CAMK2D: variants seen among roughly 807,000 people sequenced by gnomAD.
CAMK2D encodes the protein calcium/calmodulin dependent protein kinase II delta.
In CAMK2D, 37 loss-of-function variants were observed where a neutral mutation model predicts 84.0. That is an observed-to-expected ratio of 0.44 (90% CI 0.34 to 0.58). CAMK2D has a LOEUF of 0.58. CAMK2D is among the 20% of genes least tolerant of loss of function. The pLI is 0.02. For synonymous variants in CAMK2D, 202 were observed against 212.5 expected, an observed-to-expected ratio of 0.95 and a Z score of 0.43; for missense variants, 448 against 652.5, an observed-to-expected ratio of 0.69 and a Z score of 3.41.
At chr4:113,499,394 T>G (rs534690794) in intron 16 of CAMK2D, among the ~76,000 whole-genome samples, 1 of 152,292 alleles carries the variant, frequency 6.6e-6, no homozygotes, top group South Asian at 2.1e-4. Flanking sequence ...AGCTGTTCTA[T>G]TCAAACAAAA....
intron 8 of CAMK2D, among the ~76,000 whole-genome samples, chr4:113,518,703 G>A (rs2098318336): frequency 1.3e-5 from 2 of 152,226 alleles, no homozygotes; most frequent in South Asian, 2.1e-4. Context: ...TTTGCCAGGT[G>A]TACCCTGAGA....
chr4:113,511,508 AAATGTGAAGATTTTTT>A (rs1322801907), intron 12 of CAMK2D, among the ~76,000 whole-genome samples: 13 of 152,200 alleles, frequency 8.5e-5, no homozygotes, highest in African/African-American at 3.1e-4. Context: ...GTACAGTTTT[AAATGTGAAGATTTTTT>A]AAAGTTTGGG....
chr4:113,532,561 A>T (rs190499778), intron 7 of CAMK2D, among the ~76,000 whole-genome samples: 81 of 152,304 alleles, frequency 5.3e-4, no homozygotes, highest in Admixed American at 1.4e-3. Context: ...AGAGATGGAC[A>T]CAATTGTTTT....
chr4:113,454,546 AT>A (rs1315628635), intron 20 of CAMK2D, 31 bp from the exon 21 acceptor site: 1 of 776,994 alleles, frequency 1.3e-6, no homozygotes, highest in Admixed American at 1.7e-5. Context: ...GAAGAAATAA[AT>A]TATATTGTTT....
At chr4:113,663,714 T>A (rs952539640) in intron 2 of CAMK2D, among the ~76,000 whole-genome samples, 2 of 150,948 alleles carry the variant, frequency 1.3e-5, no homozygotes, top group African/African-American at 2.4e-5. Flanking sequence ...TGTGATTTTT[T>A]TATATATATA....
At chr4:113,634,049 C>T (rs1427170347) in intron 3 of CAMK2D, among the ~76,000 whole-genome samples, 2 of 152,152 alleles carry the variant, frequency 1.3e-5, no homozygotes, top group Non-Finnish European at 2.9e-5. Context: ...TTTTAAAAGA[C>T]TTTTGTGCTT....
chr4:113,678,099 T>C (rs1289183683), intron 2 of CAMK2D, among the ~76,000 whole-genome samples: 1 of 152,176 alleles, frequency 6.6e-6, no homozygotes, highest in Admixed American at 6.5e-5. Context: ...AAATGAAAAA[T>C]ACCCTTTTTG....
intron 5 of CAMK2D, among the ~76,000 whole-genome samples, chr4:113,549,996 TA>T (rs1189390842): frequency 6.6e-6 from 1 of 152,198 alleles, no homozygotes; most frequent in African/African-American, 2.4e-5. Context: ...CACTACTCTT[TA>T]AGAATATTTC....
intron 2 of CAMK2D, among the ~76,000 whole-genome samples, chr4:113,670,553 C>T (rs115108462): frequency 0.012 from 1,762 of 152,044 alleles, 30 homozygotes; most frequent in South Asian, 0.036. Context: ...ACTCTACCCT[C>T]AGTCTACAAT....
At position 113,525,845 on chromosome 4, in the gene CAMK2D, G is replaced by C. The variant is rs950175584; in HGVS notation, c.601+5371C>G. On this transcript the variant is annotated intron_variant, in intron 8 of 20. Transcript: ENST00000511664. ...ACCCAGTGTCTACTCTTGAAAATAA[G>C]TCACTACTTAATTGGCAAGAGACAG... Among the ~76,000 whole-genome samples the C allele has an allele frequency of 4.5e-4, 68 of 152,218 alleles. 1 individual carries two copies. Among genetic ancestry groups the C allele is most frequent in the African/African-American group, 1.6e-3 (67 of 41,516 alleles).
intron 16 of CAMK2D, among the ~76,000 whole-genome samples, chr4:113,467,865 T>C (rs1394660401): frequency 1.3e-5 from 2 of 151,910 alleles, no homozygotes; most frequent in Non-Finnish European, 2.9e-5. Flanking sequence ...GGGATACGGG[T>C]GAGGAGGATC....
At chr4:113,563,737 ACTAT>A (rs1160233046) in intron 4 of CAMK2D, among the ~76,000 whole-genome samples, 5 of 152,204 alleles carry the variant, frequency 3.3e-5, no homozygotes, top group African/African-American at 7.2e-5. Context: ...TCACCTGGAG[ACTAT>A]CTATTTAGCC....
At chr4:113,493,334 C>T (rs576901049) in intron 16 of CAMK2D, among the ~76,000 whole-genome samples, 16 of 151,548 alleles carry the variant, frequency 1.1e-4, no homozygotes, top group African/African-American at 3.4e-4. Context: ...GTAAGGCAGG[C>T]CTGGTGGTGA....
intron 3 of CAMK2D, among the ~76,000 whole-genome samples, chr4:113,631,685 T>C (rs1592216010): frequency 2.0e-5 from 3 of 152,128 alleles, no homozygotes; most frequent in East Asian, 1.9e-4. Flanking sequence ...TTTCATTAGG[T>C]TGGAACTGAA....
intron 4 of CAMK2D, among the ~76,000 whole-genome samples, chr4:113,599,141 C>G (rs984072042): frequency 6.6e-6 from 1 of 152,110 alleles, no homozygotes; most frequent in African/African-American, 2.4e-5. Context: ...AGGCCAATAT[C>G]AAGAACACTG....
At chr4:113,609,343 A>T (rs927681723) in intron 3 of CAMK2D, 137 bp from the exon 4 acceptor site, 1 of 603,636 alleles carries the variant, frequency 1.7e-6, no homozygotes, top group African/African-American at 1.9e-5. Flanking sequence ...ATACGTCCGT[A>T]TCTTTTACAA....
chr4:113,644,522 T>C (rs1325544851), intron 3 of CAMK2D, among the ~76,000 whole-genome samples: 2 of 152,224 alleles, frequency 1.3e-5, no homozygotes, highest in South Asian at 2.1e-4. Context: ...GCAGCTATTA[T>C]CCAGAGCTTT....
chr4:113,713,393 CAT>C (rs1230072167), intron 2 of CAMK2D, among the ~76,000 whole-genome samples: 1 of 146,694 alleles, frequency 6.8e-6, no homozygotes, highest in Admixed American at 6.7e-5. Flanking sequence ...ATAAGTGTTA[CAT>C]GACATTAATA....
intron 2 of CAMK2D, among the ~76,000 whole-genome samples, chr4:113,750,009 A>G (rs939871095): frequency 1.3e-5 from 2 of 152,248 alleles, no homozygotes; most frequent in African/African-American, 4.8e-5. Flanking sequence ...CTTATCCAAC[A>G]AACATTTACA....
Sources: gnomAD v4.1 joint callset for allele counts (sites outside exome capture counted in the v4.1 genomes callset) on GRCh38, gnomAD v4.1.1 for gene constraint, MANE v1.5 for transcripts, NCBI Gene and HGNC (gene_info 2026-07-23, HGNC 2026-07-21) for gene names.